Variants in UBE2F observed in about 807,000 individuals in gnomAD.
UBE2F encodes the protein ubiquitin conjugating enzyme E2 F (putative).
UBE2F carries 5 observed loss-of-function variants against 29.6 expected under a neutral mutation model. The ratio of observed to expected loss-of-function variants is 0.17; its 90% CI spans 0.09 to 0.36. The LOEUF is 0.36. Ranked by LOEUF, UBE2F falls within the 10% of genes least tolerant of loss-of-function variation. The pLI is 1.00. For missense variants in UBE2F, 141 were observed against 228.5 expected, an observed-to-expected ratio of 0.62 and a Z score of 2.47; for synonymous variants, 66 against 81.8, an observed-to-expected ratio of 0.81 and a Z score of 1.04.
At chr2:238,003,470 C>T (rs1192493676) in intron 4 of UBE2F, 1 of 464,802 alleles carries the variant, frequency 2.2e-6, no homozygotes, top group East Asian at 7.0e-5. Context: ...TGGTCTGTCC[C>T]CTGCCTTAAA....
chr2:237,976,843 C>T (rs2106328103), intron 2 of UBE2F, among the ~76,000 whole-genome samples: 1 of 152,286 alleles, frequency 6.6e-6, no homozygotes, highest in African/African-American at 2.4e-5. Context: ...ATTGATCCTT[C>T]ATTTTACCCA....
At chr2:238,034,151 G>A (rs1053224701) in intron 8 of UBE2F, among the ~76,000 whole-genome samples, 2 of 152,044 alleles carry the variant, frequency 1.3e-5, no homozygotes, top group East Asian at 3.9e-4. Context: ...TTGGCTAGGC[G>A]CAGTGACTCA....
intron 4 of UBE2F, among the ~76,000 whole-genome samples, chr2:237,999,298 G>GA (rs2063747256): frequency 6.6e-6 from 1 of 152,120 alleles, no homozygotes; most frequent in Admixed American, 6.5e-5. Flanking sequence ...TCAAACTCTT[G>GA]ACCTCAAGTG....
At position 237,994,770 on chromosome 2, in the gene UBE2F, C is replaced by G. The variant is rs760995022; in HGVS notation, c.175C>G (p.Pro59Ala). 1 of 1,614,092 alleles carries G rather than the reference C, an allele frequency of 6.2e-7. No homozygotes were observed. Among genetic ancestry groups the G allele is most frequent in the South Asian group, 1.1e-5 (1 of 91,068 alleles). ...PCTCKVHFPD[P>A]NKLHCFQLTV... is the part of the protein sequence containing the mutation. The stretch of plus-strand genomic sequence containing the variant: ...TACATGTAAAGTGCATTTTCCTGAT[C>G]CAAACAAGCTTCATTGTTTTCAGCT... The change falls in exon 4 of 10, where the codon CCA becomes GCA. Residue 59 changes from proline (P) to alanine (A), a missense_variant. Physicochemically the swap from Pro to Ala is conservative, Grantham distance 27 (BLOSUM62 -1). Coordinates refer to ENST00000272930, the MANE Select transcript of UBE2F (RefSeq NM_080678.3).
chr2:238,022,201 G>T (rs1224582042), intron 5 of UBE2F, among the ~76,000 whole-genome samples: 2 of 138,362 alleles, frequency 1.4e-5, no homozygotes, highest in Non-Finnish European at 3.0e-5. Flanking sequence ...ACAGAGTCTT[G>T]CTCTGTCCCC....
chr2:238,031,949 C>T (rs541823221), intron 7 of UBE2F, among the ~76,000 whole-genome samples: 3 of 152,380 alleles, frequency 2.0e-5, no homozygotes, highest in African/African-American at 7.2e-5. Context: ...CGGGCCCTGT[C>T]GTGCAGGATT....
intron 9 of UBE2F, among the ~76,000 whole-genome samples, chr2:238,039,321 CCGG>C (rs2064789819): frequency 6.6e-6 from 1 of 152,142 alleles, no homozygotes; most frequent in African/African-American, 2.4e-5. Context: ...CCACAGAGGG[CCGG>C]GTGGTGAGAG....
chr2:237,968,991 C>A, intron 1 of UBE2F: 2 of 272,498 alleles, frequency 7.3e-6, no homozygotes, highest in Non-Finnish European at 5.6e-6. Context: ...ACAGCTATGG[C>A]AACATTCCCA....
intron 7 of UBE2F, among the ~76,000 whole-genome samples, chr2:238,031,233 C>G (rs1208206719): frequency 6.6e-6 from 1 of 152,246 alleles, no homozygotes; most frequent in Admixed American, 6.5e-5. Flanking sequence ...CAGAACTTTC[C>G]CTCTGCAGGT....
Position 237,994,731 on chromosome 2 carries a change from G to A in UBE2F, c.149-13G>A. ...CACTGCCAGACCTTCCTGATGTGCT[G>A]TTTCTTTTGCAGGTACATGTAAAGT... is the stretch of plus-strand genomic sequence containing the variant. On this transcript the variant is annotated splice_polypyrimidine_tract_variant and intron_variant, in intron 3 of 9. Transcript: ENST00000272930. 6.2e-7 allele frequency: 1 copy of A among 1,613,492 alleles called. No individual in the cohort carries two copies. Among genetic ancestry groups the A allele is most frequent in the East Asian group, 2.2e-5 (1 of 44,866 alleles).
intron 5 of UBE2F, among the ~76,000 whole-genome samples, chr2:238,024,482 A>G (rs1003938408): frequency 6.6e-6 from 1 of 152,090 alleles, no homozygotes; most frequent in African/African-American, 2.4e-5. Context: ...AGTAGCTGGG[A>G]CTACAAGCAG....
Position 238,040,772 on chromosome 2 carries a change from C to CCA in UBE2F, c.508-516_508-515insCA, listed in dbSNP as rs2064821721. Reference sequence around the variant, plus strand: ...GGATGGAGCTCTGTGGCACACCCAGCTCTCTTCTGGGCAGGGTGGTCATCC... The same window carrying CCA: ...GGATGGAGCTCTGTGGCACACCCAGCCATCTCTTCTGGGCAGGGTGGTCATCC... On this transcript the variant is annotated intron_variant, in intron 9 of 9. Coordinates refer to ENST00000272930, the MANE Select transcript of UBE2F (RefSeq NM_080678.3). This position sits in a 1 kb window ranked among gnomAD's most constrained non-coding sequence, Gnocchi z 4.4. 6.6e-6 allele frequency among the ~76,000 whole-genome samples: 1 copy of CCA among 152,128 alleles called. No homozygotes were observed. Among genetic ancestry groups the CCA allele is most frequent in the African/African-American group, 2.4e-5 (1 of 41,426 alleles).
At chr2:238,000,058 G>A (rs151146041) in intron 4 of UBE2F, among the ~76,000 whole-genome samples, 271 of 152,136 alleles carry the variant, frequency 1.8e-3, no homozygotes, top group African/African-American at 6.2e-3. Context: ...TCCTGACCTC[G>A]TGATCCACCC....
intron 2 of UBE2F, among the ~76,000 whole-genome samples, chr2:237,976,088 C>T (rs757149581): frequency 7.9e-5 from 12 of 152,220 alleles, no homozygotes; most frequent in African/African-American, 2.7e-4. Flanking sequence ...TTGTATTCAG[C>T]GTCTGTTGTG....
At chr2:238,021,583 A>G (rs1309256265) in intron 5 of UBE2F, among the ~76,000 whole-genome samples, 2 of 152,186 alleles carry the variant, frequency 1.3e-5, no homozygotes, top group African/African-American at 2.4e-5. Context: ...CAATTGCATC[A>G]TTATTAATAA....
intron 5 of UBE2F, 109 bp from the exon 6 acceptor site, chr2:238,025,233 G>A: frequency 2.2e-6 from 2 of 912,738 alleles, no homozygotes; most frequent in Non-Finnish European, 3.5e-6. Flanking sequence ...TGCACACTGA[G>A]TCAGCCATGA....
intron 9 of UBE2F, among the ~76,000 whole-genome samples, chr2:238,037,704 C>G (rs1335490313): frequency 6.6e-6 from 1 of 152,172 alleles, no homozygotes; most frequent in African/African-American, 2.4e-5. Flanking sequence ...CTCCCGGGTT[C>G]AGGCAATTCT....
chr2:238,041,642 A>G lies in UBE2F; in HGVS notation c.*304A>G, dbSNP rs570247055. On this transcript the variant is annotated 3_prime_UTR_variant, in exon 10 of 10. Transcript: ENST00000272930. ...TTGGTGAAATTCTTAAGAAGTTGTAATGAACTCAAAATTGAGGCCAGAGCT... is the reference window on the plus strand; with the variant it reads ...TTGGTGAAATTCTTAAGAAGTTGTAGTGAACTCAAAATTGAGGCCAGAGCT... The G allele has an allele frequency of 8.1e-6, 2 of 247,232 alleles. No homozygotes were observed. Among genetic ancestry groups the G allele is most frequent in the South Asian group, 9.7e-5 (1 of 10,328 alleles). 15.3% of individuals were successfully genotyped at this position (247,232 alleles called of 1,614,324 possible).
intron 1 of UBE2F, among the ~76,000 whole-genome samples, chr2:237,968,449 C>T (rs2063105935): frequency 1.3e-5 from 2 of 152,120 alleles, no homozygotes; most frequent in South Asian, 2.1e-4. Flanking sequence ...GTGCCCTGAT[C>T]GGGGCCCCTT....
Sources: gnomAD v4.1 joint callset for allele counts (sites outside exome capture counted in the v4.1 genomes callset) on GRCh38, gnomAD v4.1.1 for gene constraint, Gnocchi (gnomAD v3.1) non-coding constraint, MANE v1.5 for transcripts, NCBI Gene and HGNC (gene_info 2026-07-23, HGNC 2026-07-21) for gene names.